Variants in WRN observed in about 807,000 individuals in gnomAD.
The protein encoded by WRN is bifunctional 3'-5' exonuclease/ATP-dependent helicase WRN.
WRN carries 149 observed loss-of-function variants against 180.7 expected under a neutral mutation model. That is an observed-to-expected ratio of 0.82 (90% CI 0.72 to 0.94). WRN has a LOEUF of 0.94. Among genes scored for constraint, WRN ranks in the 40% least tolerant of loss-of-function variants. The pLI, the probability that WRN is intolerant of heterozygous loss-of-function variation, is 0.00. For missense variants in WRN, 1,661 were observed against 1,700.1 expected (o/e 0.98, Z 0.40); for synonymous variants, 548 against 568.9 (o/e 0.96, Z 0.52).
intron 1 of WRN, among the ~76,000 whole-genome samples, chr8:31,038,079 A>C (rs913710724): frequency 6.6e-6 from 1 of 151,954 alleles, no homozygotes; most frequent in African/African-American, 2.4e-5. Flanking sequence ...AATCTGTTTG[A>C]GTTCCTATTT....
chr8:31,169,983 A>C lies in WRN; in HGVS notation c.4191+2753A>C, dbSNP rs562671217. Among the ~76,000 whole-genome samples the C allele has an allele frequency of 7.9e-5, 12 of 152,124 alleles. No individual in the cohort carries two copies. The East Asian group carries it at 2.1e-3, about 27-fold the overall frequency. ...ATTTTCAGATGCTATTATCAGATTA[A>C]TCTCTCATTAATCTGTCTTTCCAGT... On this transcript the variant is annotated intron_variant, in intron 34 of 34. Coordinates refer to ENST00000298139, the MANE Select transcript of WRN (RefSeq NM_000553.6).
intron 19 of WRN, among the ~76,000 whole-genome samples, chr8:31,113,405 A>AT (rs1801394362): frequency 6.6e-6 from 1 of 152,168 alleles, no homozygotes; most frequent in Non-Finnish European, 1.5e-5. Context: ...ATTCAGAATA[A>AT]AACAAGAATG....
chr8:31,133,514 G>C (rs985713763), intron 24 of WRN, among the ~76,000 whole-genome samples: 2 of 151,006 alleles, frequency 1.3e-5, no homozygotes, highest in Non-Finnish European at 2.9e-5. Context: ...GACAGAGCAA[G>C]ATTCTGTCTC....
chr8:31,097,121 A>G (rs1814020832), intron 17 of WRN, among the ~76,000 whole-genome samples: 1 of 152,178 alleles, frequency 6.6e-6, no homozygotes, highest in African/African-American at 2.4e-5. Flanking sequence ...CAAGGGAAAA[A>G]TATCACTTTT....
chr8:31,142,486 G>T (rs1554532969), intron 26 of WRN, 140 bp from the exon 27 acceptor site: 3 of 584,560 alleles, frequency 5.1e-6, no homozygotes, highest in Non-Finnish European at 8.1e-6. Flanking sequence ...GCTTTTTCTA[G>T]AAAAAAAAAT....
chr8:31,034,239 G>C (rs748639388), intron 1 of WRN, among the ~76,000 whole-genome samples: 2 of 152,150 alleles, frequency 1.3e-5, no homozygotes, highest in Non-Finnish European at 1.5e-5. Context: ...CGCTTAGTTA[G>C]GATTGCTCTT....
intron 24 of WRN, among the ~76,000 whole-genome samples, chr8:31,135,824 TC>T (rs1012442321): frequency 6.6e-6 from 1 of 152,334 alleles, no homozygotes; most frequent in African/African-American, 2.4e-5. Context: ...TCTTCTCTCT[TC>T]TTTTTCTTTT....
chr8:31,159,007 A>C (rs1803500821), intron 33 of WRN, among the ~76,000 whole-genome samples: 2 of 152,142 alleles, frequency 1.3e-5, no homozygotes, highest in South Asian at 4.2e-4. Flanking sequence ...TGGATATAAA[A>C]ATGAGAACAG....
intron 8 of WRN, 21 bp downstream of exon 8, chr8:31,076,308 T>G: frequency 6.4e-7 from 1 of 1,569,380 alleles, no homozygotes; most frequent in South Asian, 1.1e-5. Flanking sequence ...ACCTTTTTTT[T>G]TTTTAACTTA....
rs200009031 is a variant in WRN at position 31,116,361 on chromosome 8, T to C, written c.2281T>C (p.Trp761Arg). The C allele has an allele frequency of 1.9e-6, 3 of 1,613,892 alleles. No individual in the cohort carries two copies. The highest frequency in any genetic ancestry group is 2.5e-6 in the Non-Finnish European group (3 of 1,179,880). ...GTTCTTCTTTTTCTTTAGTTCCCACTGGGAATTTGAAGGTCCAACAATCAT... is the reference window on the plus strand; with the variant it reads ...GTTCTTCTTTTTCTTTAGTTCCCACCGGGAATTTGAAGGTCCAACAATCAT... ...QPFLVKTSSH[W>R]EFEGPTIIYC... Residue 761 changes from tryptophan to arginine, a missense_variant, in exon 20 of 35, where the codon TGG becomes CGG. Trp to Arg is a moderately radical substitution (Grantham distance 101, BLOSUM62 -3). Coordinates refer to ENST00000298139, the MANE Select transcript of WRN (RefSeq NM_000553.6).
chr8:31,152,912 G>A (rs1340421092), intron 31 of WRN, among the ~76,000 whole-genome samples: 4 of 152,026 alleles, frequency 2.6e-5, no homozygotes, highest in Non-Finnish European at 4.4e-5. Context: ...GCATGGTGGT[G>A]CTAGCCTGTA....
chr8:31,072,022 G>T (rs1004073888), intron 7 of WRN, among the ~76,000 whole-genome samples: 2 of 152,188 alleles, frequency 1.3e-5, no homozygotes, highest in Non-Finnish European at 2.9e-5. Flanking sequence ...AAGTGGAGGT[G>T]GTGCAAGAAT....
chr8:31,055,708 G>C (rs1406966377), intron 1 of WRN, among the ~76,000 whole-genome samples: 1 of 151,864 alleles, frequency 6.6e-6, no homozygotes, highest in Non-Finnish European at 1.5e-5. Flanking sequence ...CTCCCATTCT[G>C]TAGGTTGTCT....
Position 31,124,556 on chromosome 8 carries a change from C to G in WRN, c.2665C>G (p.Arg889Gly), listed in dbSNP as rs774765029. The change falls in exon 22 of 35, where the codon CGA (arginine) becomes GGA (glycine). Residue 889 changes from arginine to glycine, a missense_variant. Transcript: ENST00000298139. Reference sequence around the variant, plus strand: ...TACTGAGATACGTAATGAGAAGTTTCGATTATACAAATTAAAGATGATGGC... The same window carrying G: ...TACTGAGATACGTAATGAGAAGTTTGGATTATACAAATTAAAGATGATGGC... ...LLTEIRNEKF[R>G]LYKLKMMAKM... 3 of 1,612,438 alleles carry G rather than the reference C, an allele frequency of 1.9e-6. No individual in the cohort carries two copies. In the African/African-American group the frequency reaches 4.0e-5, roughly 22 times the overall value.
chr8:31,161,317 A>G (rs1054608323), intron 33 of WRN, among the ~76,000 whole-genome samples: 4 of 152,136 alleles, frequency 2.6e-5, no homozygotes, highest in African/African-American at 7.2e-5. Flanking sequence ...AATTCTGAGA[A>G]ATGTGTTGTT....
At chr8:31,114,895 T>A (rs997945448) in intron 19 of WRN, among the ~76,000 whole-genome samples, 1,245 of 96,808 alleles carry the variant, frequency 0.013, 83 homozygotes, top group African/African-American at 0.033. Flanking sequence ...TAAAATAAGG[T>A]TTTTTTTTTT....
chr8:31,171,646 C>T (rs749049961), intron 34 of WRN: 1 of 152,132 alleles, frequency 6.6e-6, no homozygotes, highest in Admixed American at 6.5e-5. Context: ...GTGTGAAAAG[C>T]CCTTTTTTCT....
intron 28 of WRN, among the ~76,000 whole-genome samples, chr8:31,144,009 T>G (rs1052375030): frequency 6.6e-6 from 1 of 152,204 alleles, no homozygotes; most frequent in Non-Finnish European, 1.5e-5. Flanking sequence ...CAAGTCTATA[T>G]TTGTCTACCT....
chr8:31,051,202 A>G (rs1451090334), intron 1 of WRN, among the ~76,000 whole-genome samples: 1 of 152,058 alleles, frequency 6.6e-6, no homozygotes, highest in Non-Finnish European at 1.5e-5. Flanking sequence ...TAGAGGTTTT[A>G]TGAACAAAGA....
Sources: gnomAD v4.1 joint callset for allele counts (sites outside exome capture counted in the v4.1 genomes callset) on GRCh38, gnomAD v4.1.1 for gene constraint, MANE v1.5 for transcripts, NCBI Gene and HGNC (gene_info 2026-07-23, HGNC 2026-07-21) for gene names.